ZKSCAN2: variants seen among roughly 807,000 people sequenced by gnomAD.
ZKSCAN2 encodes zinc finger protein with KRAB and SCAN domains 2.
ZKSCAN2 carries 38 observed loss-of-function variants against 90.5 expected under a neutral mutation model. The observed-to-expected ratio is 0.42, with a 90% CI of 0.32 to 0.55. The LOEUF (loss-of-function observed/expected upper bound fraction) is 0.55, where lower values mean the gene tolerates loss of function less well. Among genes scored for constraint, ZKSCAN2 ranks in the 20% least tolerant of loss-of-function variants. The pLI, the probability that ZKSCAN2 is intolerant of heterozygous loss-of-function variation, is 0.11. For missense variants in ZKSCAN2, 1,167 were observed against 1,202.6 expected, an observed-to-expected ratio of 0.97 and a Z score of 0.44; for synonymous variants, 429 against 421.6, an observed-to-expected ratio of 1.02 and a Z score of -0.22.
At position 25,257,456 on chromosome 16, in the gene ZKSCAN2, A is replaced by G; in HGVS notation, c.-329T>C. On this transcript the variant is annotated 5_prime_UTR_variant, in exon 1 of 7. Transcript: ENST00000328086. ...GGGAGAAAAATGAAGCAGGCTGAGG[A>G]AAGGCTGGGCGGAGGCGGACAGCCG... The G allele has an allele frequency of 2.9e-6, 3 of 1,043,674 alleles. No homozygotes were observed. Among genetic ancestry groups the G allele is most frequent in the Non-Finnish European group, 3.5e-6 (3 of 869,118 alleles). 64.7% of individuals were successfully genotyped at this position (1,043,674 alleles called of 1,614,324 possible).
intron 4 of ZKSCAN2, among the ~76,000 whole-genome samples, chr16:25,247,922 A>C (rs1451588748): frequency 2.0e-5 from 3 of 152,222 alleles, no homozygotes; most frequent in Non-Finnish European, 4.4e-5. Context: ...GTAGAACAGA[A>C]TAGAGAGCAT....
In ZKSCAN2 at chr16:25,239,955, T is replaced by A; in HGVS notation, c.2765A>T (p.Lys922Ile). Reference protein sequence around the residue: ...EKPYGCAQCGKRFSKSSVLTK... With the variant: ...EKPYGCAQCGIRFSKSSVLTK... ...AAGAACAGAACTCTTACTGAAACGT[T>A]TGCCACACTGGGCACATCCATAGGG... The change falls in exon 7 of 7, where the codon AAA becomes ATA. Residue 922 changes from lysine to isoleucine, a missense_variant. Physicochemically the swap from Lys to Ile is moderately radical, Grantham distance 102. Transcript: ENST00000328086. 6.2e-7 allele frequency: 1 copy of A among 1,614,214 alleles called. No homozygotes were observed. Among genetic ancestry groups the A allele is most frequent in the Non-Finnish European group, 8.5e-7 (1 of 1,180,028 alleles).
chr16:25,240,625 C>T lies in ZKSCAN2; in HGVS notation c.2095G>A (p.Asp699Asn), dbSNP rs148950715. The change falls in exon 7 of 7, where the codon GAC becomes AAC. Residue 699 changes from aspartate (D) to asparagine (N), a missense_variant. Physicochemically the swap from Asp to Asn is conservative, Grantham distance 23 (BLOSUM62 1). Coordinates refer to ENST00000328086, the MANE Select transcript of ZKSCAN2 (RefSeq NM_001012981.5). ...TCCCTTTTGCGATATTTGCTGGGGT[C>T]GGTACTCTGGGAAACAACTCTTTTA... Reference protein sequence around the residue: ...KSKRVVSQSTDPSKYRKRECI... With the variant: ...KSKRVVSQSTNPSKYRKRECI... The T allele has an allele frequency of 2.4e-5, 39 of 1,614,112 alleles. No homozygotes were observed. The highest frequency in any genetic ancestry group is 1.1e-4 in the East Asian group (5 of 44,886).
At chr16:25,254,027 A>C (rs1963059356) in intron 2 of ZKSCAN2, among the ~76,000 whole-genome samples, 1 of 152,184 alleles carries the variant, frequency 6.6e-6, no homozygotes, top group Admixed American at 6.5e-5. Flanking sequence ...AAAATAAAAT[A>C]AAATAAAGAT....
At position 25,257,766 on chromosome 16, in the gene ZKSCAN2, G is replaced by A. The variant is rs921554469; in HGVS notation, c.-639C>T. 1 of 152,892 alleles carries A rather than the reference G, an allele frequency of 6.5e-6. No individual in the cohort carries two copies. Among genetic ancestry groups the A allele is most frequent in the African/African-American group, 2.4e-5 (1 of 41,466 alleles). 9.5% of individuals were successfully genotyped at this position (152,892 alleles called of 1,614,324 possible). ...GAAGGGAGAAGAGCTGCGGGGCGAAGCCAGGGCTCGCAGGGGGCAGCGGCA... is the reference window on the plus strand; with the variant it reads ...GAAGGGAGAAGAGCTGCGGGGCGAAACCAGGGCTCGCAGGGGGCAGCGGCA... On this transcript the variant is annotated 5_prime_UTR_variant, in exon 1 of 7. Coordinates refer to ENST00000328086, the MANE Select transcript of ZKSCAN2 (RefSeq NM_001012981.5).
chr16:25,246,496 A>C (rs1202486370), intron 5 of ZKSCAN2: 2 of 597,052 alleles, frequency 3.3e-6, no homozygotes, highest in Non-Finnish European at 5.9e-6. Flanking sequence ...AGTGAAAACG[A>C]CTTCTCCACG....
In ZKSCAN2 at chr16:25,243,708, G is replaced by A. The variant is rs1962886822; in HGVS notation, c.1981+77C>T. ...GAATGAAGGAATATTCATGAGCTAT[G>A]TGCAAGATCTACTCATTTTTCAGTA... On this transcript the variant is annotated intron_variant, in intron 6 of 6. Transcript: ENST00000328086. The A allele has an allele frequency of 2.0e-5, 29 of 1,470,660 alleles. No homozygotes were observed. In the South Asian group the frequency reaches 3.8e-4, roughly 19 times the overall value. 91.1% of individuals were successfully genotyped at this position (1,470,660 alleles called of 1,614,324 possible). A position where few individuals can be genotyped will look rare whatever the true frequency, so the allele number is the denominator to read the frequency against.
At chr16:25,252,886 C>T in intron 3 of ZKSCAN2, 60 bp downstream of exon 3, 2 of 1,393,980 alleles carry the variant, frequency 1.4e-6, no homozygotes, top group Non-Finnish European at 2.0e-6. Context: ...CCACTGTACT[C>T]CACCGTGGGT....
intron 2 of ZKSCAN2, 62 bp downstream of exon 2, chr16:25,255,144 G>C: frequency 6.6e-7 from 1 of 1,511,918 alleles, no homozygotes; most frequent in East Asian, 2.3e-5. Context: ...TCACAGCGTT[G>C]GGGTACTGCG....
At chr16:25,244,781 C>T (rs2141362627) in intron 5 of ZKSCAN2, among the ~76,000 whole-genome samples, 1 of 152,334 alleles carries the variant, frequency 6.6e-6, no homozygotes, top group East Asian at 1.9e-4. Context: ...AGGAGCAGAA[C>T]TATGTTCAGA....
intron 2 of ZKSCAN2, 124 bp downstream of exon 2, chr16:25,255,082 G>A (rs1461563866): frequency 3.0e-6 from 3 of 993,840 alleles, no homozygotes; most frequent in Admixed American, 3.6e-5. Context: ...TGAAGTGAAT[G>A]AAACCTTTCT....
In ZKSCAN2 at chr16:25,257,579, G is replaced by A. The variant is rs1396122770; in HGVS notation, c.-452C>T. ...ATGTGCAGGCCCCGCCCGGCGCCAG[G>A]TTCCGGGCTCGGGTCACCGCAGCAC... On this transcript the variant is annotated 5_prime_UTR_variant, in exon 1 of 7. Coordinates refer to ENST00000328086, the MANE Select transcript of ZKSCAN2 (RefSeq NM_001012981.5). 6.6e-5 allele frequency: 62 copies of A among 933,974 alleles called. No individual in the cohort carries two copies. Among genetic ancestry groups the A allele is most frequent in the East Asian group, 1.2e-4 (1 of 8,518 alleles). The allele number at this position is 933,974 out of a possible 1,614,324, so 57.9% of individuals were successfully genotyped here.
chr16:25,247,500 C>G, intron 4 of ZKSCAN2, 110 bp from the exon 5 acceptor site: 1 of 844,598 alleles, frequency 1.2e-6, no homozygotes, highest in Non-Finnish European at 1.8e-6. Flanking sequence ...CCAAACCTTC[C>G]TCAGCTGTGA....
In ZKSCAN2 at chr16:25,244,235, T is replaced by G; in HGVS notation, c.1531A>C (p.Ile511Leu). ...GYEETKTFLDILRETRFYEAL... is the reference protein window; with the variant it reads ...GYEETKTFLDLLRETRFYEAL... ...TCATAAAACCGAGTCTCACGGAGGATATCAAGAAAAGTCTTGGTTTCTTCA... is the reference window on the plus strand; with the variant it reads ...TCATAAAACCGAGTCTCACGGAGGAGATCAAGAAAAGTCTTGGTTTCTTCA... The change falls in exon 6 of 7, where the codon ATC becomes CTC. Residue 511 changes from isoleucine (I) to leucine (L), a missense_variant. Ile to Leu is a conservative substitution (Grantham distance 5). Coordinates refer to ENST00000328086, the MANE Select transcript of ZKSCAN2 (RefSeq NM_001012981.5). 1 of 1,614,064 alleles carries G rather than the reference T, an allele frequency of 6.2e-7. No homozygotes were observed. The highest frequency in any genetic ancestry group is 8.5e-7 in the Non-Finnish European group (1 of 1,179,932).
chr16:25,247,091 G>A lies in ZKSCAN2; in HGVS notation c.1105C>T (p.Arg369Ter), dbSNP rs1354379366. The A allele has an allele frequency of 3.7e-6, 6 of 1,613,986 alleles. No homozygotes were observed. The highest frequency in any genetic ancestry group is 2.7e-5 in the African/African-American group (2 of 74,888). Reference sequence around the variant, plus strand: ...ACAGCACCATACACTTGGCTATTTCGGGGACAGGCCTGAAGTGTTTCATAA... The same window carrying A: ...ACAGCACCATACACTTGGCTATTTCAGGGACAGGCCTGAAGTGTTTCATAA... ...RFYETLQACPRNSQVYGAVAE... is the reference protein window; with the variant it reads ...RFYETLQACP Residue 369 changes from arginine (R) to a stop codon, truncating the protein, a stop_gained, in exon 5 of 7, where the codon CGA (arginine) becomes TGA (stop). Coordinates refer to ENST00000328086, the MANE Select transcript of ZKSCAN2 (RefSeq NM_001012981.5). LOFTEE classifies it high-confidence loss of function.
In ZKSCAN2 at chr16:25,243,974, C is replaced by A; in HGVS notation, c.1792G>T (p.Val598Phe). 6.2e-7 allele frequency: 1 copy of A among 1,614,192 alleles called. No homozygotes were observed. Among genetic ancestry groups the A allele is most frequent in the Non-Finnish European group, 8.5e-7 (1 of 1,180,032 alleles). The change falls in exon 6 of 7, where the codon GTC becomes TTC. Residue 598 changes from valine to phenylalanine, a missense_variant. Coordinates refer to ENST00000328086, the MANE Select transcript of ZKSCAN2 (RefSeq NM_001012981.5). ...CTTTCTTGCCTTGAAGGTGATGGGA[C>A]TTCCTCTGGGGTGCTGGGGGAAGGA... ...SAPSPSTPEEVPSPSRQERGG... is the reference protein window; with the variant it reads ...SAPSPSTPEEFPSPSRQERGG...
At chr16:25,244,785 G>A (rs988985656) in intron 5 of ZKSCAN2, among the ~76,000 whole-genome samples, 2 of 152,194 alleles carry the variant, frequency 1.3e-5, no homozygotes, top group African/African-American at 4.8e-5. Context: ...GCAGAACTAT[G>A]TTCAGAGTAG....
In ZKSCAN2 at chr16:25,246,927, A is replaced by G. The variant is rs1423201971; in HGVS notation, c.1269T>C (p.Asp423=). The G allele has an allele frequency of 3.1e-6, 5 of 1,614,020 alleles. No individual in the cohort carries two copies. The highest frequency in any genetic ancestry group is 3.4e-6 in the Non-Finnish European group (4 of 1,180,030). Reference sequence around the variant, plus strand: ...CACGGGCTGCAGGGTTCAACAAAGCATCCATGTCCTCAAAGAAGGCGCAGG... The same window carrying G: ...CACGGGCTGCAGGGTTCAACAAAGCGTCCATGTCCTCAAAGAAGGCGCAGG... ...LEPCAFFEDM[D]ALLNPAARAP... is the part of the protein sequence containing the mutation. The change falls in exon 5 of 7, where the codon GAT becomes GAC. Residue 423 remains aspartate, a synonymous_variant. Transcript: ENST00000328086.
chr16:25,244,724 A>G (rs1039516277), intron 5 of ZKSCAN2, among the ~76,000 whole-genome samples: 10 of 152,336 alleles, frequency 6.6e-5, no homozygotes, highest in South Asian at 2.1e-4. Flanking sequence ...TCCAATAGGA[A>G]CTTTCCCCCT....
Sources: gnomAD v4.1 joint callset for allele counts (sites outside exome capture counted in the v4.1 genomes callset) on GRCh38, gnomAD v4.1.1 for gene constraint, MANE v1.5 for transcripts, NCBI Gene and HGNC (gene_info 2026-07-23, HGNC 2026-07-21) for gene names.